DTNA: variants seen among roughly 807,000 people sequenced by gnomAD.
DTNA encodes dystrobrevin alpha, also known as dystrophin-related protein 3.
In DTNA, 43 loss-of-function variants were observed where a neutral mutation model predicts 100.7. The observed-to-expected ratio is 0.43, with a 90% CI of 0.33 to 0.55. The LOEUF is 0.55. Among genes scored for constraint, DTNA ranks in the 20% least tolerant of loss-of-function variants. DTNA has a pLI of 0.04. For synonymous variants in DTNA, 349 were observed against 347.9 expected, an observed-to-expected ratio of 1.00 and a Z score of -0.04; for missense variants, 798 against 953.9, an observed-to-expected ratio of 0.84 and a Z score of 2.15.
At position 34,730,496 on chromosome 18, in the gene DTNA, G is replaced by A. The variant is rs889589266; in HGVS notation, c.-2+20051G>A. Among the ~76,000 whole-genome samples, 4 of 152,038 alleles carry A rather than the reference G, an allele frequency of 2.6e-5. 1 individual carries two copies. ...GCATTGTGGCCCCTTGTTCAGTCTT[G>A]GCAAAAACTGAGGGAACATGGCAAA... On this transcript the variant is annotated intron_variant, in intron 1 of 22. Coordinates refer to ENST00000444659, the MANE Select transcript of DTNA (RefSeq NM_001386795.1).
intron 1 of DTNA, among the ~76,000 whole-genome samples, chr18:34,715,528 A>G (rs2083861450): frequency 6.6e-6 from 1 of 151,952 alleles, no homozygotes; most frequent in African/African-American, 2.4e-5. Context: ...AAACCTGTTA[A>G]TTTTGATTTG....
intron 1 of DTNA, among the ~76,000 whole-genome samples, chr18:34,624,706 A>G (rs2057064798): frequency 6.6e-6 from 1 of 152,212 alleles, no homozygotes; most frequent in South Asian, 2.1e-4. Flanking sequence ...GCTTTGAGAG[A>G]TAAAAAGATG....
intron 1 of DTNA, among the ~76,000 whole-genome samples, chr18:34,557,523 T>C (rs2046199408): frequency 2.0e-5 from 3 of 151,760 alleles, no homozygotes; most frequent in South Asian, 2.1e-4. Context: ...TCTTTGATGA[T>C]GGTGATGTAC....
At position 34,818,249 on chromosome 18, in the gene DTNA, GCT is replaced by G; in HGVS notation, c.798_799del (p.Cys267SerfsTer14). On this transcript the variant is annotated frameshift_variant, in exon 8 of 23. Transcript: ENST00000444659. LOFTEE classifies it high-confidence loss of function. ...YRCQQCHNYQ[L>X]CQDCFWRGHA... The stretch of plus-strand genomic sequence containing the variant: ...GATGCCAACAGTGTCACAATTACCA[GCT>G]CTGTCAGGACTGCTTCTGGAGGGGA... 1 of 1,614,030 alleles carries G rather than the reference GCT, an allele frequency of 6.2e-7. No individual in the cohort carries two copies. Among genetic ancestry groups the G allele is most frequent in the Non-Finnish European group, 8.5e-7 (1 of 1,179,950 alleles).
At chr18:34,556,866 G>C (rs1341669916) in intron 1 of DTNA, among the ~76,000 whole-genome samples, 1 of 150,012 alleles carries the variant, frequency 6.7e-6, no homozygotes, top group African/African-American at 2.5e-5. Context: ...TGCTCTTCTC[G>C]AGGAGTATCT....
chr18:34,615,433 C>T (rs2055066095), intron 1 of DTNA, among the ~76,000 whole-genome samples: 1 of 152,114 alleles, frequency 6.6e-6, no homozygotes, highest in Non-Finnish European at 1.5e-5. Flanking sequence ...CATAGCCACC[C>T]TAACCTTCAG....
intron 3 of DTNA, among the ~76,000 whole-genome samples, chr18:34,768,335 A>G (rs1249006133): frequency 1.3e-5 from 2 of 152,250 alleles, no homozygotes; most frequent in East Asian, 1.9e-4. Context: ...AAAGGAAAAC[A>G]AAGAAAAGAA....
intron 11 of DTNA, among the ~76,000 whole-genome samples, chr18:34,837,290 C>T (rs1399736173): frequency 2.0e-5 from 3 of 152,078 alleles, no homozygotes; most frequent in East Asian, 1.9e-4. Context: ...CCATAGTTCT[C>T]GATGTAGCAT....
chr18:34,672,973 C>T (rs1046444879), intron 1 of DTNA, among the ~76,000 whole-genome samples: 1 of 152,192 alleles, frequency 6.6e-6, no homozygotes. Flanking sequence ...TCAAAACACA[C>T]ACACACACAT....
chr18:34,607,958 C>T (rs2579809), intron 1 of DTNA, among the ~76,000 whole-genome samples: 39,905 of 152,040 alleles, frequency 0.26, 7,018 homozygotes, highest in African/African-American at 0.5. Flanking sequence ...AAATGCAAGA[C>T]AGAGGATTAT....
chr18:34,774,080 C>T (rs1312953194), intron 3 of DTNA, among the ~76,000 whole-genome samples: 1 of 152,254 alleles, frequency 6.6e-6, no homozygotes, highest in Non-Finnish European at 1.5e-5. Flanking sequence ...GCTGTGCCAA[C>T]TAAGCACTTT....
rs370127157 is a variant in DTNA, at chr18:34,865,322, C to CTTCATTTTTTTTGT, written c.1743+1264_1743+1277dup. Among the ~76,000 whole-genome samples, 417 of 150,944 alleles carry CTTCATTTTTTTTGT rather than the reference C, an allele frequency of 2.8e-3. 1 individual carries two copies. The highest frequency in any genetic ancestry group is 9.7e-3 in the African/African-American group (398 of 41,006). On this transcript the variant is annotated intron_variant, in intron 17 of 22. Coordinates refer to ENST00000444659, the MANE Select transcript of DTNA (RefSeq NM_001386795.1). The stretch of plus-strand genomic sequence containing the variant: ...CTTTCTCTTTTCTTCTTCCCTTTTT[C>CTTCATTTTTTTTGT]TTCATTTTTTTTGTTTCTTTCTTGA...
At chr18:34,816,340 A>G (rs111252705) in intron 7 of DTNA, among the ~76,000 whole-genome samples, 32 of 152,296 alleles carry the variant, frequency 2.1e-4, no homozygotes, top group African/African-American at 7.5e-4. Flanking sequence ...CGAATTTCTC[A>G]TATTTGCATA....
intron 1 of DTNA, among the ~76,000 whole-genome samples, chr18:34,589,361 C>T (rs1401134059): frequency 9.2e-5 from 14 of 151,942 alleles, no homozygotes; most frequent in Admixed American, 9.2e-4. Flanking sequence ...CCTAATAATC[C>T]ACTTCAGGAG....
intron 1 of DTNA, among the ~76,000 whole-genome samples, chr18:34,721,158 A>T (rs941650189): frequency 2.0e-5 from 3 of 152,170 alleles, no homozygotes; most frequent in Non-Finnish European, 4.4e-5. Context: ...CAAAGCACAA[A>T]TTTTAATTTA....
At chr18:34,812,232 T>G in intron 6 of DTNA, 119 bp downstream of exon 6, 2 of 1,436,768 alleles carry the variant, frequency 1.4e-6, no homozygotes, top group Non-Finnish European at 1.9e-6. Context: ...CAACCTGTAT[T>G]GTATTTTTCA....
chr18:34,641,494 A>G (rs2059274134), intron 1 of DTNA, among the ~76,000 whole-genome samples: 1 of 152,214 alleles, frequency 6.6e-6, no homozygotes, highest in Non-Finnish European at 1.5e-5. Flanking sequence ...CTCTCTTCCT[A>G]TGACAGCCCC....
At chr18:34,622,421 G>A (rs567151051) in intron 1 of DTNA, among the ~76,000 whole-genome samples, 3 of 152,174 alleles carry the variant, frequency 2.0e-5, no homozygotes, top group Non-Finnish European at 2.9e-5. Context: ...CTACGGTTTG[G>A]TGTACATGAC....
At chr18:34,505,388 A>G (rs2040387468) in intron 1 of DTNA, among the ~76,000 whole-genome samples, 1 of 152,204 alleles carries the variant, frequency 6.6e-6, no homozygotes, top group African/African-American at 2.4e-5. Context: ...GAGTTGTAGA[A>G]TAATCACATC....
Sources: allele counts gnomAD v4.1 joint callset (sites outside exome capture counted in the v4.1 genomes callset), GRCh38; gene constraint gnomAD v4.1.1; transcripts MANE v1.5; gene names NCBI Gene and HGNC (gene_info 2026-07-23, HGNC 2026-07-21).